Variants in RREB1 observed in about 807,000 individuals in gnomAD.
RREB1 encodes ras responsive element binding protein 1.
A neutral mutation model predicts 117.8 loss-of-function variants in RREB1; 27 were observed. The observed-to-expected ratio is 0.23, with a 90% CI of 0.17 to 0.32. RREB1 has a LOEUF of 0.32. Ranked by LOEUF, RREB1 falls within the 10% of genes least tolerant of loss-of-function variation. The pLI is 1.00. For synonymous variants in RREB1, 1,298 were observed against 1,026.7 expected (o/e 1.26, Z -5.05); for missense variants, 2,577 against 2,378.2 (o/e 1.08, Z -1.74).
At chr6:7,108,256 C>T (rs1581388913) in intron 1 of RREB1, among the ~76,000 whole-genome samples, 196 bp downstream of exon 1, 3 of 152,046 alleles carry the variant, frequency 2.0e-5, no homozygotes, top group South Asian at 2.1e-4. Context: ...GCGCTCGGGC[C>T]GGCGGGGCGG....
chr6:7,206,923 G>A (rs1766306977), intron 6 of RREB1, among the ~76,000 whole-genome samples: 1 of 152,204 alleles, frequency 6.6e-6, no homozygotes, highest in African/African-American at 2.4e-5. Context: ...AGGGCAGGGT[G>A]CTCCACTATT....
intron 1 of RREB1, among the ~76,000 whole-genome samples, chr6:7,130,051 C>G (rs1267215711): frequency 7.2e-5 from 11 of 152,196 alleles, no homozygotes; most frequent in Non-Finnish European, 1.5e-4. Context: ...TGAGCCCACT[C>G]TACTGACTCT....
At chr6:7,206,461 A>T (rs1766280057) in intron 6 of RREB1, among the ~76,000 whole-genome samples, 1 of 152,208 alleles carries the variant, frequency 6.6e-6, no homozygotes, top group Non-Finnish European at 1.5e-5. Flanking sequence ...TCCATTCAGG[A>T]ATTCAACAAA....
intron 1 of RREB1, among the ~76,000 whole-genome samples, chr6:7,146,765 CTTTT>C (rs752906899): frequency 1.5e-5 from 2 of 129,120 alleles, no homozygotes; most frequent in Admixed American, 7.9e-5. Flanking sequence ...TTTCTTCTTT[CTTTT>C]TTTTTTTTTG....
chr6:7,154,890 T>A (rs754213188), intron 1 of RREB1, among the ~76,000 whole-genome samples: 9 of 152,080 alleles, frequency 5.9e-5, no homozygotes, highest in Non-Finnish European at 1.0e-4. Context: ...CATTCCAAGT[T>A]AAGCCCCCTT....
chr6:7,218,423 T>C (rs1767035095), intron 8 of RREB1: 1 of 147,524 alleles, frequency 6.8e-6, no homozygotes, highest in African/African-American at 2.7e-5. Flanking sequence ...ATGAATAAAA[T>C]ACTACTGTTA....
At chr6:7,198,523 T>G (rs1561775900) in intron 6 of RREB1, among the ~76,000 whole-genome samples, 1 of 152,196 alleles carries the variant, frequency 6.6e-6, no homozygotes, top group Non-Finnish European at 1.5e-5. Flanking sequence ...GACATAAATG[T>G]TCTGTGCAAA....
rs1767998863 is a variant in RREB1 at position 7,231,770 on chromosome 6, G to A, written c.3671G>A (p.Gly1224Asp). 1.9e-6 allele frequency: 3 copies of A among 1,613,832 alleles called. No individual in the cohort carries two copies. The highest frequency in any genetic ancestry group is 2.5e-6 in the Non-Finnish European group (3 of 1,180,024). Reference protein sequence around the residue: ...DHHGPSDEEQGSPPEDKLLRA... With the variant: ...DHHGPSDEEQDSPPEDKLLRA... ...CATGGGCCCAGTGATGAAGAGCAGG[G>A]CAGTCCCCCAGAAGACAAGCTGCTG... Residue 1224 changes from glycine to aspartate, a missense_variant, in exon 10 of 13, where the codon GGC becomes GAC. Physicochemically the swap from Gly to Asp is moderately conservative, Grantham distance 94 (BLOSUM62 -1). Coordinates refer to ENST00000379938, the MANE Select transcript of RREB1 (RefSeq NM_001003699.4).
chr6:7,223,575 A>AAAAAAAAAAAAAC (rs1200002803), intron 8 of RREB1, among the ~76,000 whole-genome samples: 1 of 151,544 alleles, frequency 6.6e-6, no homozygotes, highest in African/African-American at 2.4e-5. Flanking sequence ...AAAAAAAAAA[A>AAAAAAAAAAAAAC]GGTGAAGAGT....
At chr6:7,182,568 G>T (rs1391670057) in intron 4 of RREB1, among the ~76,000 whole-genome samples, 1 of 151,832 alleles carries the variant, frequency 6.6e-6, no homozygotes, top group Non-Finnish European at 1.5e-5. Flanking sequence ...ATTTTCATTG[G>T]GCATCAGATC....
chr6:7,246,826 T>G lies in RREB1; in HGVS notation c.4376T>G (p.Phe1459Cys). 6.4e-7 allele frequency: 1 copy of G among 1,553,256 alleles called. No individual in the cohort carries two copies. The highest frequency in any genetic ancestry group is 8.7e-7 in the Non-Finnish European group (1 of 1,148,782). The change falls in exon 12 of 13, where the codon TTC (phenylalanine) becomes TGC (cysteine). Residue 1459 changes from phenylalanine (F) to cysteine (C), a missense_variant. By Grantham distance (205) the Phe-to-Cys change is radical. Coordinates refer to ENST00000379938, the MANE Select transcript of RREB1 (RefSeq NM_001003699.4). ...ACDTCGKSFK[F>C]LGTLSRHRKA... is the part of the protein sequence containing the mutation. The stretch of plus-strand genomic sequence containing the variant: ...GACACCTGTGGGAAGAGCTTCAAGT[T>G]CCTGGGCACCCTGAGCCGCCACCGG...
At chr6:7,151,104 T>A (rs575137014) in intron 1 of RREB1, among the ~76,000 whole-genome samples, 4 of 152,376 alleles carry the variant, frequency 2.6e-5, no homozygotes, top group African/African-American at 9.6e-5. Flanking sequence ...CAGAGCAGTT[T>A]AAAGATACTG....
intron 1 of RREB1, among the ~76,000 whole-genome samples, chr6:7,120,303 C>G (rs1761620142): frequency 6.6e-6 from 1 of 151,936 alleles, no homozygotes; most frequent in Non-Finnish European, 1.5e-5. Flanking sequence ...AAAATACAAA[C>G]CTTAGCCGGG....
At chr6:7,237,974 T>TA (rs1188441678) in intron 10 of RREB1, among the ~76,000 whole-genome samples, 1 of 152,198 alleles carries the variant, frequency 6.6e-6, no homozygotes, top group Non-Finnish European at 1.5e-5. Flanking sequence ...ACTGTAAAGG[T>TA]GACGCACTTA....
chr6:7,243,693 C>G (rs1199259308), intron 11 of RREB1, among the ~76,000 whole-genome samples: 1 of 152,184 alleles, frequency 6.6e-6, no homozygotes, highest in Non-Finnish European at 1.5e-5. Flanking sequence ...ACCAAGCCCC[C>G]TGTGTCCAAA....
At chr6:7,199,572 CT>C (rs1435891253) in intron 6 of RREB1, among the ~76,000 whole-genome samples, 1 of 152,014 alleles carries the variant, frequency 6.6e-6, no homozygotes, top group Middle Eastern at 3.2e-3. Flanking sequence ...GAACACTTGC[CT>C]TTTTTTCTTC....
intron 6 of RREB1, among the ~76,000 whole-genome samples, chr6:7,204,938 G>A (rs1158855874): frequency 6.6e-6 from 1 of 152,152 alleles, no homozygotes; most frequent in African/African-American, 2.4e-5. Flanking sequence ...AAAGGATTTT[G>A]CCCCCAAAAG....
At chr6:7,161,313 A>G (rs1426503619) in intron 1 of RREB1, among the ~76,000 whole-genome samples, 1 of 152,168 alleles carries the variant, frequency 6.6e-6, no homozygotes, top group Non-Finnish European at 1.5e-5. Context: ...AAAGTAAGTT[A>G]CTTTGAGATC....
At chr6:7,238,045 C>T (rs954261516) in intron 10 of RREB1, among the ~76,000 whole-genome samples, 2 of 152,144 alleles carry the variant, frequency 1.3e-5, no homozygotes, top group Non-Finnish European at 2.9e-5. Flanking sequence ...CGATTGTTTT[C>T]TTTGAAATCA....
Sources: allele counts gnomAD v4.1 joint callset (sites outside exome capture counted in the v4.1 genomes callset), GRCh38; gene constraint gnomAD v4.1.1; transcripts MANE v1.5; gene names NCBI Gene and HGNC (gene_info 2026-07-23, HGNC 2026-07-21).